Variants in PTPRN2 observed in about 807,000 individuals in gnomAD.
PTPRN2 encodes receptor-type tyrosine-protein phosphatase N2.
PTPRN2 carries 74 observed loss-of-function variants against 118.8 expected under a neutral mutation model. The ratio of observed to expected loss-of-function variants is 0.62; its 90% CI spans 0.52 to 0.76. PTPRN2 has a LOEUF of 0.76. Among genes scored for constraint, PTPRN2 ranks in the 30% least tolerant of loss-of-function variants. The pLI is 0.00. For synonymous variants in PTPRN2, 641 were observed against 608.0 expected (o/e 1.05, Z -0.80); for missense variants, 1,481 against 1,394.4 (o/e 1.06, Z -0.99).
chr7:157,904,936 C>T (rs933757201), intron 11 of PTPRN2, among the ~76,000 whole-genome samples: 4 of 152,144 alleles, frequency 2.6e-5, no homozygotes, highest in Non-Finnish European at 4.4e-5. Context: ...TCGTGGTCCC[C>T]GGCATCCTGT....
intron 17 of PTPRN2, among the ~76,000 whole-genome samples, chr7:157,586,451 G>T (rs925679299): frequency 6.6e-6 from 1 of 152,190 alleles, no homozygotes; most frequent in African/African-American, 2.4e-5. Flanking sequence ...CAGGGACTGG[G>T]GGACATTCTC....
At chr7:158,567,619 G>C (rs912837453) in intron 1 of PTPRN2, among the ~76,000 whole-genome samples, 1 of 152,204 alleles carries the variant, frequency 6.6e-6, no homozygotes, top group African/African-American at 2.4e-5. Flanking sequence ...AAACACAGGG[G>C]AAAGCTGTCT....
At chr7:157,645,582 A>G (rs1390661464) in intron 14 of PTPRN2, among the ~76,000 whole-genome samples, 1 of 152,208 alleles carries the variant, frequency 6.6e-6, no homozygotes, top group African/African-American at 2.4e-5. Context: ...CCTTACTAGG[A>G]GACAGTAAAT....
intron 3 of PTPRN2, among the ~76,000 whole-genome samples, chr7:158,216,304 A>C (rs1294447376): frequency 6.6e-6 from 1 of 152,152 alleles, no homozygotes; most frequent in African/African-American, 2.4e-5. Context: ...GGAAGAAACA[A>C]AGAAACAAAA....
At position 157,615,702 on chromosome 7, in the gene PTPRN2, C is replaced by A; in HGVS notation, c.2344+5660G>T. On this transcript the variant is annotated intron_variant, in intron 15 of 22. Transcript: ENST00000389418. This position sits in a 1 kb window ranked among gnomAD's most constrained non-coding sequence, Gnocchi z 4.3. The stretch of plus-strand genomic sequence containing the variant: ...TATAAAACGAGCAGATGGTGCCGAG[C>A]TGAGAGGGAGGTGACGCAGTGACTC... The A allele has an allele frequency of 4.6e-6, 2 of 435,038 alleles. No homozygotes were observed. The highest frequency in any genetic ancestry group is 2.4e-5 in the Admixed American group (1 of 41,116). The allele number at this position is 435,038 out of a possible 1,614,324, so 26.9% of individuals were successfully genotyped here. A position where few individuals can be genotyped will look rare whatever the true frequency, so the allele number is the denominator to read the frequency against.
chr7:158,035,469 T>A (rs1268858882), intron 11 of PTPRN2, among the ~76,000 whole-genome samples: 2 of 152,252 alleles, frequency 1.3e-5, no homozygotes, highest in African/African-American at 4.8e-5. Flanking sequence ...AGTGTGGCAG[T>A]GGCAGGCAGG....
intron 11 of PTPRN2, among the ~76,000 whole-genome samples, chr7:158,052,112 C>A (rs1468336662): frequency 1.3e-5 from 2 of 152,294 alleles, no homozygotes; most frequent in South Asian, 4.1e-4. Flanking sequence ...AGTCCCTGTG[C>A]ACTAAAGTCA....
intron 10 of PTPRN2, among the ~76,000 whole-genome samples, chr7:158,108,025 C>T (rs1422788515): frequency 6.6e-6 from 1 of 151,894 alleles, no homozygotes; most frequent in Admixed American, 6.6e-5. Flanking sequence ...CACACACCTG[C>T]CCCCCAAAAA....
At chr7:158,146,678 G>A (rs184155549) in intron 6 of PTPRN2, among the ~76,000 whole-genome samples, 1,666 of 144,950 alleles carry the variant, frequency 0.011, 46 homozygotes, top group African/African-American at 0.042. Context: ...CTGAGATCGC[G>A]CCACTGCACT....
chr7:158,523,103 T>G (rs1824335014), intron 1 of PTPRN2, among the ~76,000 whole-genome samples: 1 of 151,958 alleles, frequency 6.6e-6, no homozygotes, highest in Non-Finnish European at 1.5e-5. Context: ...AAGAACAAGA[T>G]AAGAGCGCAG....
intron 22 of PTPRN2, among the ~76,000 whole-genome samples, chr7:157,545,745 T>C (rs1798287603): frequency 6.6e-6 from 1 of 152,204 alleles, no homozygotes; most frequent in Admixed American, 6.5e-5. Context: ...ACAACGATGA[T>C]GTTTTGCTGT....
At chr7:158,245,865 C>CACATACATAT (rs1796213523) in intron 3 of PTPRN2, among the ~76,000 whole-genome samples, 1 of 152,066 alleles carries the variant, frequency 6.6e-6, no homozygotes, top group Admixed American at 6.6e-5. Context: ...CCTATGCTGA[C>CACATACATAT]TCACAGGCAT....
At chr7:157,905,812 G>C (rs905901576) in intron 11 of PTPRN2, among the ~76,000 whole-genome samples, 1 of 152,194 alleles carries the variant, frequency 6.6e-6, no homozygotes, top group Non-Finnish European at 1.5e-5. Context: ...CCCAGGCCCG[G>C]GGTGAAGCTG....
intron 12 of PTPRN2, among the ~76,000 whole-genome samples, chr7:157,770,758 C>A (rs866585324): frequency 6.6e-6 from 1 of 152,150 alleles, no homozygotes; most frequent in Non-Finnish European, 1.5e-5. Flanking sequence ...GGTCATGAGG[C>A]GCCTGCATTC....
chr7:158,142,065 A>G (rs1172734201), intron 6 of PTPRN2, among the ~76,000 whole-genome samples: 1 of 152,206 alleles, frequency 6.6e-6, no homozygotes, highest in Non-Finnish European at 1.5e-5. Flanking sequence ...TGTCCGTATT[A>G]ACCCCACATT....
At chr7:157,568,643 A>T (rs1799603885) in intron 21 of PTPRN2, among the ~76,000 whole-genome samples, 1 of 152,124 alleles carries the variant, frequency 6.6e-6, no homozygotes, top group South Asian at 2.1e-4. Flanking sequence ...AAGGCAGGTA[A>T]CAAAGGACCC....
At chr7:158,151,127 C>T (rs6954217) in intron 6 of PTPRN2, among the ~76,000 whole-genome samples, 13,015 of 35,756 alleles carry the variant, frequency 0.36, 2,813 homozygotes, top group Non-Finnish European at 0.38. Context: ...CCTGCCCACA[C>T]CGCCCGCCTT....
At chr7:157,835,812 C>T (rs1183583848) in intron 12 of PTPRN2, among the ~76,000 whole-genome samples, 2 of 152,064 alleles carry the variant, frequency 1.3e-5, no homozygotes, top group African/African-American at 4.8e-5. Context: ...ATTAATGGAA[C>T]CATAAAAATA....
chr7:158,407,404 G>A (rs1813638011), intron 2 of PTPRN2, among the ~76,000 whole-genome samples: 2 of 53,210 alleles, frequency 3.8e-5, no homozygotes, highest in Non-Finnish European at 7.0e-5. Context: ...TGGGTCCTGC[G>A]TCCTGGGTCC....
Sources: gnomAD v4.1 joint callset for allele counts (sites outside exome capture counted in the v4.1 genomes callset) on GRCh38, gnomAD v4.1.1 for gene constraint, Gnocchi (gnomAD v3.1) non-coding constraint, MANE v1.5 for transcripts, NCBI Gene and HGNC (gene_info 2026-07-23, HGNC 2026-07-21) for gene names.